The following RAPGEF6 variants were observed in gnomAD, a reference collection of about 807,000 sequenced individuals.
RAPGEF6 encodes PDZ domain containing guanine nucleotide exchange factor (GEF) 2.
A neutral mutation model predicts 171.4 loss-of-function variants in RAPGEF6; 56 were observed. The observed-to-expected ratio is 0.33, with a 90% CI of 0.26 to 0.41. RAPGEF6 has a LOEUF of 0.41. Among genes scored for constraint, RAPGEF6 ranks in the 10% least tolerant of loss-of-function variants. RAPGEF6 has a pLI of 1.00. For missense variants in RAPGEF6, 1,674 were observed against 1,921.4 expected, an observed-to-expected ratio of 0.87 and a Z score of 2.41; for synonymous variants, 692 against 650.1, an observed-to-expected ratio of 1.06 and a Z score of -0.98.
At chr5:131,491,632 C>T (rs943945636) in intron 14 of RAPGEF6, among the ~76,000 whole-genome samples, 1 of 152,148 alleles carries the variant, frequency 6.6e-6, no homozygotes, top group East Asian at 1.9e-4. Context: ...TGACCTCCAC[C>T]TCCTGTTAAA....
rs562172827 is a variant in RAPGEF6, at chr5:131,477,506, T to C, written c.2081+2007A>G. Among the ~76,000 whole-genome samples the C allele has an allele frequency of 5.3e-5, 8 of 152,304 alleles. No homozygotes were observed. The South Asian group carries it at 8.3e-4, about 16-fold the overall frequency. On this transcript the variant is annotated intron_variant, in intron 16 of 27. Coordinates refer to ENST00000509018, the MANE Select transcript of RAPGEF6 (RefSeq NM_016340.6). ...TTTTTTGGGTACCAATATAAAGTTA[T>C]AATGCTTGAAAATACTCAACTGACT...
At chr5:131,518,795 A>G (rs1356143497) in intron 7 of RAPGEF6, among the ~76,000 whole-genome samples, 1 of 151,828 alleles carries the variant, frequency 6.6e-6, no homozygotes, top group African/African-American at 2.4e-5. Flanking sequence ...TTCTTCTTTA[A>G]ATTTCTTCAT....
chr5:131,608,425 C>T (rs1764735539), intron 1 of RAPGEF6, among the ~76,000 whole-genome samples: 1 of 152,142 alleles, frequency 6.6e-6, no homozygotes, highest in Admixed American at 6.5e-5. Context: ...GTTCTATTAA[C>T]TCTTTTTTTG....
intron 15 of RAPGEF6, among the ~76,000 whole-genome samples, chr5:131,488,115 T>G (rs559306525): frequency 2.0e-5 from 3 of 152,226 alleles, no homozygotes; most frequent in African/African-American, 7.2e-5. Flanking sequence ...TGCAGCTCCA[T>G]GTAACTTCTA....
At chr5:131,569,663 C>G (rs1381389990) in intron 4 of RAPGEF6, among the ~76,000 whole-genome samples, 1 of 152,138 alleles carries the variant, frequency 6.6e-6, no homozygotes. Context: ...TTAGCTATGA[C>G]ACCAAAAGCT....
intron 6 of RAPGEF6, among the ~76,000 whole-genome samples, chr5:131,527,278 G>GA (rs1485250735): frequency 1.3e-5 from 2 of 150,872 alleles, no homozygotes; most frequent in Admixed American, 6.6e-5. Context: ...ACAACAGCAG[G>GA]AAAAAAACAA....
In RAPGEF6 at chr5:131,425,621, C is replaced by T. The variant is rs951210178; in HGVS notation, c.*1645G>A. The T allele has an allele frequency of 6.6e-6, 1 of 152,274 alleles. No homozygotes were observed. Among genetic ancestry groups the T allele is most frequent in the Non-Finnish European group, 1.5e-5 (1 of 68,028 alleles). 9.4% of individuals were successfully genotyped at this position (152,274 alleles called of 1,614,324 possible). A position where few individuals can be genotyped will look rare whatever the true frequency, so the allele number is the denominator to read the frequency against. ...CTTTACCACAGGAATTTTTGAAATG[C>T]TATTATTCCTAAAATAAAGAGACAA... On this transcript the variant is annotated 3_prime_UTR_variant, in exon 28 of 28. Coordinates refer to ENST00000509018, the MANE Select transcript of RAPGEF6 (RefSeq NM_016340.6).
intron 6 of RAPGEF6, among the ~76,000 whole-genome samples, chr5:131,530,188 AAAGT>A (rs1442498199): frequency 6.6e-6 from 1 of 151,870 alleles, no homozygotes; most frequent in Admixed American, 6.6e-5. Flanking sequence ...ACTACTAATA[AAAGT>A]AATTAACAAA....
At chr5:131,480,962 G>A (rs768938936) in intron 15 of RAPGEF6, among the ~76,000 whole-genome samples, 5 of 148,544 alleles carry the variant, frequency 3.4e-5, no homozygotes, top group African/African-American at 1.0e-4. Context: ...ACAGAGTTTC[G>A]CTCTTGTTGT....
At chr5:131,524,100 GA>G (rs1490293490) in intron 6 of RAPGEF6, among the ~76,000 whole-genome samples, 1 of 152,050 alleles carries the variant, frequency 6.6e-6, no homozygotes, top group Non-Finnish European at 1.5e-5. Context: ...AAAACTGAAG[GA>G]AATAATTCCT....
chr5:131,446,933 T>C (rs1008070304), intron 21 of RAPGEF6: 11 of 469,962 alleles, frequency 2.3e-5, no homozygotes, highest in East Asian at 1.2e-4. Context: ...AATGGCCCCC[T>C]GAGTGGCATA....
chr5:131,425,030 T>G lies in RAPGEF6; in HGVS notation c.*2236A>C, dbSNP rs1168926991. On this transcript the variant is annotated 3_prime_UTR_variant, in exon 28 of 28. Coordinates refer to ENST00000509018, the MANE Select transcript of RAPGEF6 (RefSeq NM_016340.6). ...AAATATAAAAATCAAAACCTCATGATTTTTTAAGGGATACATACATAACAA... is the reference window on the plus strand; with the variant it reads ...AAATATAAAAATCAAAACCTCATGAGTTTTTAAGGGATACATACATAACAA... 5 of 152,368 alleles carry G rather than the reference T, an allele frequency of 3.3e-5. No homozygotes were observed. The highest frequency in any genetic ancestry group is 7.3e-5 in the Non-Finnish European group (5 of 68,030). 9.4% of individuals were successfully genotyped at this position (152,368 alleles called of 1,614,324 possible).
intron 17 of RAPGEF6, among the ~76,000 whole-genome samples, chr5:131,468,811 C>T (rs912705036): frequency 2.0e-5 from 3 of 151,836 alleles, no homozygotes; most frequent in South Asian, 4.2e-4. Flanking sequence ...CAGCAAAAAG[C>T]GCCACACAAA....
At chr5:131,520,264 T>C (rs1288608612) in intron 7 of RAPGEF6, among the ~76,000 whole-genome samples, 1 of 152,180 alleles carries the variant, frequency 6.6e-6, no homozygotes, top group Non-Finnish European at 1.5e-5. Context: ...CCACTAGCCG[T>C]ATGTGGTTAT....
At chr5:131,504,046 C>T (rs1757190825) in intron 11 of RAPGEF6, among the ~76,000 whole-genome samples, 1 of 152,126 alleles carries the variant, frequency 6.6e-6, no homozygotes, top group Admixed American at 6.5e-5. Context: ...CTGACTCCCG[C>T]TCTCAGTGGC....
chr5:131,432,918 A>G (rs1305627796), intron 25 of RAPGEF6, among the ~76,000 whole-genome samples: 1 of 152,160 alleles, frequency 6.6e-6, no homozygotes, highest in East Asian at 1.9e-4. Context: ...AAACTTTCTC[A>G]AAGATTTCCA....
intron 21 of RAPGEF6, among the ~76,000 whole-genome samples, chr5:131,451,390 C>T (rs1753059248): frequency 6.6e-6 from 1 of 151,650 alleles, no homozygotes; most frequent in Admixed American, 6.6e-5. Context: ...TCAAGACCAG[C>T]CTGGGCAACA....
intron 14 of RAPGEF6, 27 bp from the exon 15 acceptor site, chr5:131,489,681 T>A: frequency 7.7e-7 from 1 of 1,295,020 alleles, no homozygotes; most frequent in Non-Finnish European, 1.1e-6. Context: ...AAATACAAAT[T>A]AATACAGAAC....
intron 4 of RAPGEF6, among the ~76,000 whole-genome samples, chr5:131,580,231 G>C (rs1311271302): frequency 6.6e-6 from 1 of 152,186 alleles, no homozygotes; most frequent in African/African-American, 2.4e-5. Context: ...GGGCAGGCCG[G>C]CAGTGCTGGG....
Sources: gnomAD v4.1 joint callset for allele counts (sites outside exome capture counted in the v4.1 genomes callset) on GRCh38, gnomAD v4.1.1 for gene constraint, MANE v1.5 for transcripts, NCBI Gene and HGNC (gene_info 2026-07-23, HGNC 2026-07-21) for gene names.